Variants in NKAIN2 observed in about 807,000 individuals in gnomAD.
NKAIN2 encodes sodium/potassium-transporting ATPase subunit beta-1-interacting protein 2.
A neutral mutation model predicts 32.6 loss-of-function variants in NKAIN2; 14 were observed. That is an observed-to-expected ratio of 0.43 (90% CI 0.28 to 0.67). The LOEUF (loss-of-function observed/expected upper bound fraction) is 0.67. NKAIN2 is among the 30% of genes least tolerant of loss of function. NKAIN2 has a pLI of 0.17. For synonymous variants in NKAIN2, 80 were observed against 87.2 expected (o/e 0.92, Z 0.46); for missense variants, 198 against 258.3 (o/e 0.77, Z 1.60).
At chr6:123,843,228 G>C (rs1007236731) in intron 1 of NKAIN2, among the ~76,000 whole-genome samples, 1 of 152,172 alleles carries the variant, frequency 6.6e-6, no homozygotes, top group African/African-American at 2.4e-5. Context: ...TTCTTGTCCA[G>C]AATCCAGGAA....
intron 1 of NKAIN2, among the ~76,000 whole-genome samples, chr6:124,278,780 G>T (rs1380275364): frequency 6.7e-6 from 1 of 149,634 alleles, no homozygotes; most frequent in Non-Finnish European, 1.5e-5. Flanking sequence ...TTAGCAACCA[G>T]AATTGACCCA....
intron 3 of NKAIN2, among the ~76,000 whole-genome samples, chr6:124,362,896 G>A (rs1266561829): frequency 6.6e-6 from 1 of 152,054 alleles, no homozygotes; most frequent in African/African-American, 2.4e-5. Flanking sequence ...GTACATTGGT[G>A]CACTCTCAGC....
At chr6:124,408,837 T>C (rs964333809) in intron 3 of NKAIN2, among the ~76,000 whole-genome samples, 2 of 152,236 alleles carry the variant, frequency 1.3e-5, no homozygotes, top group Non-Finnish European at 2.9e-5. Flanking sequence ...GAGCATGGAA[T>C]GTTCCTCCAT....
intron 1 of NKAIN2, among the ~76,000 whole-genome samples, chr6:123,925,142 T>C (rs976253248): frequency 2.0e-5 from 3 of 152,182 alleles, no homozygotes; most frequent in African/African-American, 7.2e-5. Flanking sequence ...TGAATGTGCT[T>C]ATATGAAGTA....
chr6:124,549,401 AT>A (rs536486408), intron 3 of NKAIN2, among the ~76,000 whole-genome samples: 34 of 152,184 alleles, frequency 2.2e-4, no homozygotes, highest in African/African-American at 8.2e-4. Flanking sequence ...TGGCTTTTTA[AT>A]TTTTTTGAGG....
chr6:124,267,010 A>G (rs1794523430), intron 1 of NKAIN2, among the ~76,000 whole-genome samples: 1 of 152,202 alleles, frequency 6.6e-6, no homozygotes, highest in Non-Finnish European at 1.5e-5. Context: ...ATAAAGATAG[A>G]AAAGACATTT....
intron 4 of NKAIN2, among the ~76,000 whole-genome samples, chr6:124,734,026 T>C (rs970814347): frequency 6.7e-6 from 1 of 149,064 alleles, no homozygotes; most frequent in Admixed American, 6.8e-5. Context: ...TAAGATCAGC[T>C]GGGAGTATCT....
chr6:123,883,184 G>A lies in NKAIN2; in HGVS notation c.54+78930G>A, dbSNP rs767762822. On this transcript the variant is annotated intron_variant, in intron 1 of 6. Coordinates refer to ENST00000368417, the MANE Select transcript of NKAIN2 (RefSeq NM_001040214.3). ...TTTTGAGACGGAGTCTTGCTCTGTC[G>A]CCCAGGCTGGAGTACAGTGGCGTGA... 1.9e-4 allele frequency among the ~76,000 whole-genome samples: 29 copies of A among 151,822 alleles called. 1 individual carries two copies. Among genetic ancestry groups the A allele is most frequent in the Non-Finnish European group, 4.0e-4 (27 of 67,944 alleles).
At chr6:124,290,095 T>C (rs1307553343) in intron 2 of NKAIN2, among the ~76,000 whole-genome samples, 3 of 152,142 alleles carry the variant, frequency 2.0e-5, no homozygotes, top group Admixed American at 1.3e-4. Flanking sequence ...ATTTAGCCTG[T>C]AGTCCTAAAA....
intron 3 of NKAIN2, among the ~76,000 whole-genome samples, chr6:124,523,578 A>T (rs966481239): frequency 1.3e-5 from 2 of 152,148 alleles, no homozygotes; most frequent in Non-Finnish European, 2.9e-5. Context: ...AAAATTACTT[A>T]TGGTGAGTTA....
At chr6:124,229,320 A>G (rs2208784) in intron 1 of NKAIN2, among the ~76,000 whole-genome samples, 86,936 of 152,056 alleles carry the variant, frequency 0.57, 27,511 homozygotes, top group South Asian at 0.72. Flanking sequence ...TTAAAGATTC[A>G]CTTGACCTAG....
intron 3 of NKAIN2, among the ~76,000 whole-genome samples, chr6:124,526,302 T>C (rs1309435831): frequency 6.6e-6 from 1 of 152,074 alleles, no homozygotes; most frequent in African/African-American, 2.4e-5. Flanking sequence ...ATAAGGAGTT[T>C]GGAGTTAATG....
intron 2 of NKAIN2, among the ~76,000 whole-genome samples, chr6:124,340,419 T>C (rs1450754566): frequency 6.6e-6 from 1 of 152,158 alleles, no homozygotes; most frequent in African/African-American, 2.4e-5. Context: ...ACGTAAAGGT[T>C]TCTTAATAGA....
intron 4 of NKAIN2, among the ~76,000 whole-genome samples, chr6:124,696,453 C>T (rs560708775): frequency 1.2e-3 from 186 of 152,190 alleles, no homozygotes; most frequent in African/African-American, 4.4e-3. Flanking sequence ...TTCTCCCTGC[C>T]GCAAGCCACC....
chr6:124,756,865 T>G (rs1262551053), intron 4 of NKAIN2, among the ~76,000 whole-genome samples: 1 of 152,180 alleles, frequency 6.6e-6, no homozygotes, highest in Non-Finnish European at 1.5e-5. Flanking sequence ...TTTTATTTCT[T>G]TAATCTGCAA....
At chr6:124,487,985 C>T (rs994336634) in intron 3 of NKAIN2, among the ~76,000 whole-genome samples, 19 of 151,932 alleles carry the variant, frequency 1.3e-4, no homozygotes, top group Non-Finnish European at 1.8e-4. Flanking sequence ...TGTTTGTTTA[C>T]GTTCTTGGTG....
At chr6:123,888,189 T>C (rs1773820940) in intron 1 of NKAIN2, among the ~76,000 whole-genome samples, 1 of 152,060 alleles carries the variant, frequency 6.6e-6, no homozygotes, top group African/African-American at 2.4e-5. Context: ...GTTTTTAATA[T>C]TGCAGCCAAA....
intron 4 of NKAIN2, among the ~76,000 whole-genome samples, chr6:124,754,907 G>A (rs1008247912): frequency 1.3e-5 from 2 of 152,126 alleles, no homozygotes; most frequent in African/African-American, 4.8e-5. Flanking sequence ...ATGATAGAGT[G>A]GAGAAAGAAA....
At chr6:124,163,884 C>T (rs112308987) in intron 1 of NKAIN2, among the ~76,000 whole-genome samples, 22 of 151,952 alleles carry the variant, frequency 1.4e-4, no homozygotes, top group African/African-American at 2.7e-4. Context: ...TTGATACAAA[C>T]GATGGATTAA....
Sources: gnomAD v4.1 joint callset for allele counts (sites outside exome capture counted in the v4.1 genomes callset) on GRCh38, gnomAD v4.1.1 for gene constraint, MANE v1.5 for transcripts, NCBI Gene and HGNC (gene_info 2026-07-23, HGNC 2026-07-21) for gene names.